LIN9: variants seen among roughly 807,000 people sequenced by gnomAD.
LIN9 encodes the protein protein lin-9 homolog.
In LIN9, 18 loss-of-function variants were observed where a neutral mutation model predicts 78.0. That is an observed-to-expected ratio of 0.23 (90% CI 0.16 to 0.34). The LOEUF (loss-of-function observed/expected upper bound fraction) is 0.34, where lower values mean the gene tolerates loss of function less well. Among genes scored for constraint, LIN9 ranks in the 10% least tolerant of loss-of-function variants. The pLI is 1.00. For synonymous variants in LIN9, 192 were observed against 215.2 expected (o/e 0.89, Z 0.94); for missense variants, 451 against 644.1 (o/e 0.70, Z 3.25).
chr1:226,274,864 T>G (rs1015440738), intron 7 of LIN9, among the ~76,000 whole-genome samples: 1 of 152,304 alleles, frequency 6.6e-6, no homozygotes, highest in South Asian at 2.1e-4. Context: ...CACTCAGATT[T>G]TCTCTGTTCA....
intron 5 of LIN9, 24 bp downstream of exon 5, chr1:226,287,640 C>A: frequency 1.4e-6 from 2 of 1,464,130 alleles, no homozygotes; most frequent in Non-Finnish European, 9.1e-7. Context: ...AAGTAATATT[C>A]ATAATATAAG....
intron 6 of LIN9, among the ~76,000 whole-genome samples, chr1:226,280,768 C>T (rs1660997558): frequency 6.6e-6 from 1 of 152,038 alleles, no homozygotes; most frequent in Non-Finnish European, 1.5e-5. Flanking sequence ...AGCGAGACTC[C>T]ATCTCAAAAA....
chr1:226,276,902 A>C (rs1660699786), intron 7 of LIN9, among the ~76,000 whole-genome samples: 1 of 152,204 alleles, frequency 6.6e-6, no homozygotes, highest in South Asian at 2.1e-4. Context: ...CAGACTAGTG[A>C]ATAATTTAGT....
At chr1:226,268,128 T>C in intron 7 of LIN9, 38 bp from the exon 8 acceptor site, 1 of 1,592,782 alleles carries the variant, frequency 6.3e-7, no homozygotes, top group Non-Finnish European at 8.6e-7. Flanking sequence ...GTGTGGGAGA[T>C]ACAAAGAATA....
chr1:226,267,060 G>T (rs1301432424), intron 8 of LIN9, among the ~76,000 whole-genome samples: 1 of 151,940 alleles, frequency 6.6e-6, no homozygotes, highest in Non-Finnish European at 1.5e-5. Context: ...GATTATAGGT[G>T]TGAGCAACCG....
At chr1:226,234,943 G>A (rs1657589505) in intron 12 of LIN9, among the ~76,000 whole-genome samples, 1 of 145,190 alleles carries the variant, frequency 6.9e-6, no homozygotes, top group Admixed American at 7.3e-5. Context: ...CCAGGCTGGA[G>A]TGCAGTGGTG....
At chr1:226,248,949 A>C (rs1658655085) in intron 11 of LIN9, among the ~76,000 whole-genome samples, 1 of 152,232 alleles carries the variant, frequency 6.6e-6, no homozygotes, top group Non-Finnish European at 1.5e-5. Context: ...AGCCAACATC[A>C]AAACGGTCTC....
At chr1:226,290,689 G>A (rs1191121703) in intron 4 of LIN9, among the ~76,000 whole-genome samples, 17 of 152,034 alleles carry the variant, frequency 1.1e-4, no homozygotes, top group Admixed American at 1.1e-3. Flanking sequence ...GGTTGGTTCT[G>A]TACTGAGTTG....
chr1:226,268,076 C>T lies in LIN9; in HGVS notation c.697G>A (p.Val233Ile), dbSNP rs760966673. 3 of 1,613,816 alleles carry T rather than the reference C, an allele frequency of 1.9e-6. No homozygotes were observed. The highest frequency in any genetic ancestry group is 1.7e-6 in the Non-Finnish European group (2 of 1,179,858). Residue 233 changes from valine to isoleucine, a missense_variant, in exon 8 of 15, where the codon GTT (valine) becomes ATT (isoleucine). Transcript: ENST00000681046. ...TGTCCAGTGAACAAACCATCATGAA[C>T]ACCACGTAATCGTGCTGAGAAAAGA... ...GTKVTARLRG[V>I]HDGLFTGQID...
intron 7 of LIN9, among the ~76,000 whole-genome samples, chr1:226,273,550 C>G (rs931546578): frequency 2.6e-5 from 4 of 151,852 alleles, no homozygotes; most frequent in African/African-American, 4.8e-5. Context: ...TGGCCAAATT[C>G]AATATTTAAA....
rs571334315 is a variant in LIN9 at position 226,267,808 on chromosome 1, G to T, written c.816+149C>A. On this transcript the variant is annotated intron_variant, in intron 8 of 14. Transcript: ENST00000681046. ...GACTTAAGTATAGATCCGAACCAGG[G>T]GTCTAGCAGATAGGGCTGGGGTCCC... is the stretch of plus-strand genomic sequence containing the variant. 1.8e-5 allele frequency: 13 copies of T among 716,358 alleles called. No homozygotes were observed. The South Asian group carries it at 2.6e-4, about 14-fold the overall frequency. The allele number at this position is 716,358 out of a possible 1,614,324, so 44.4% of individuals were successfully genotyped here. A position where few individuals can be genotyped will look rare whatever the true frequency, so the allele number is the denominator to read the frequency against.
intron 4 of LIN9, among the ~76,000 whole-genome samples, chr1:226,294,612 C>A (rs887984285): frequency 6.6e-6 from 1 of 151,712 alleles, no homozygotes; most frequent in African/African-American, 2.4e-5. Flanking sequence ...ATGCTAAATT[C>A]TTGGTTGAGA....
At chr1:226,282,271 T>C (rs1338324844) in intron 6 of LIN9, among the ~76,000 whole-genome samples, 1 of 152,220 alleles carries the variant, frequency 6.6e-6, no homozygotes, top group East Asian at 1.9e-4. Context: ...AATCTTTTAC[T>C]ACTACAAACA....
At chr1:226,267,301 G>GTA (rs926156327) in intron 8 of LIN9, among the ~76,000 whole-genome samples, 2 of 67,432 alleles carry the variant, frequency 3.0e-5, no homozygotes, top group Non-Finnish European at 5.8e-5. Flanking sequence ...ATATGTGTGT[G>GTA]TATATATATT....
chr1:226,277,355 A>C (rs2102943231), intron 7 of LIN9, among the ~76,000 whole-genome samples: 1 of 152,312 alleles, frequency 6.6e-6, no homozygotes, highest in East Asian at 1.9e-4. Context: ...CTTTTTCCCA[A>C]TTACTTTAAA....
chr1:226,244,248 T>C (rs1481784240), intron 11 of LIN9, among the ~76,000 whole-genome samples: 1 of 145,820 alleles, frequency 6.9e-6, no homozygotes, highest in Non-Finnish European at 1.5e-5. Context: ...CTGGCCAACA[T>C]GGTGAAACCC....
intron 11 of LIN9, 42 bp downstream of exon 11, chr1:226,250,797 A>C (rs1347077108): frequency 9.6e-7 from 1 of 1,036,466 alleles, no homozygotes; most frequent in African/African-American, 1.6e-5. Flanking sequence ...ACTATTTTAA[A>C]ATTAGACAAG....
chr1:226,303,902 G>C (rs1282053191), intron 1 of LIN9, among the ~76,000 whole-genome samples: 1 of 152,174 alleles, frequency 6.6e-6, no homozygotes, highest in Non-Finnish European at 1.5e-5. Flanking sequence ...CACCGCAACC[G>C]GTCCTTCTTT....
intron 5 of LIN9, among the ~76,000 whole-genome samples, chr1:226,287,019 A>G (rs1026952679): frequency 2.0e-5 from 3 of 152,212 alleles, no homozygotes; most frequent in Admixed American, 1.3e-4. Context: ...GGGCTCAAAT[A>G]TGAACATTCA....
Sources: allele counts gnomAD v4.1 joint callset (sites outside exome capture counted in the v4.1 genomes callset), GRCh38; gene constraint gnomAD v4.1.1; transcripts MANE v1.5; gene names NCBI Gene and HGNC (gene_info 2026-07-23, HGNC 2026-07-21).